Variants in VAT1L observed in about 807,000 individuals in gnomAD.
VAT1L encodes the protein putative NADPH-dependent quinone oxidoreductase VAT1L.
Under a neutral mutation model 44.1 loss-of-function variants are expected in VAT1L, and 34 were observed. That is an observed-to-expected ratio of 0.77 (90% confidence interval 0.59 to 1.03). The LOEUF (loss-of-function observed/expected upper bound fraction) is 1.03, where lower values mean the gene tolerates loss of function less well. VAT1L is among the 50% of genes least tolerant of loss of function. The pLI, the probability that VAT1L is intolerant of heterozygous loss-of-function variation, is 0.00. For missense variants in VAT1L, 615 were observed against 538.8 expected (o/e 1.14, Z -1.40); for synonymous variants, 253 against 202.2 (o/e 1.25, Z -2.13).
chr16:77,938,041 C>T (rs147622929), intron 7 of VAT1L, among the ~76,000 whole-genome samples: 133 of 152,314 alleles, frequency 8.7e-4, no homozygotes, highest in African/African-American at 2.8e-3. Flanking sequence ...TTTTTATGAG[C>T]ACTGTTTACT....
intron 7 of VAT1L, among the ~76,000 whole-genome samples, chr16:77,925,005 G>C (rs2017650702): frequency 6.6e-6 from 1 of 152,114 alleles, no homozygotes; most frequent in Non-Finnish European, 1.5e-5. Flanking sequence ...ATGCATTAAA[G>C]GTAAGAATAC....
At chr16:77,933,934 G>T (rs76630044) in intron 7 of VAT1L, among the ~76,000 whole-genome samples, 8,499 of 152,270 alleles carry the variant, frequency 0.056, 307 homozygotes, top group East Asian at 0.088. Flanking sequence ...AGCCATGATG[G>T]GAAGAAACCC....
At chr16:77,930,257 TTCCTGGTCA>T (rs1392420825) in intron 7 of VAT1L, among the ~76,000 whole-genome samples, 1 of 152,186 alleles carries the variant, frequency 6.6e-6, no homozygotes, top group African/African-American at 2.4e-5. Flanking sequence ...TTGTCTGTCT[TTCCTGGTCA>T]TGCATGGCCT....
intron 7 of VAT1L, among the ~76,000 whole-genome samples, chr16:77,950,629 T>G (rs1335268287): frequency 6.6e-6 from 1 of 152,212 alleles, no homozygotes; most frequent in Non-Finnish European, 1.5e-5. Flanking sequence ...TGGGAAGCAG[T>G]GATCTTCAGG....
At chr16:77,966,788 C>CT (rs1345963420) in intron 7 of VAT1L, among the ~76,000 whole-genome samples, 1 of 152,146 alleles carries the variant, frequency 6.6e-6, no homozygotes, top group Non-Finnish European at 1.5e-5. Context: ...GAATTTTACA[C>CT]TGACAGCACG....
chr16:77,923,073 A>G (rs1232149512), intron 7 of VAT1L, among the ~76,000 whole-genome samples: 2 of 152,134 alleles, frequency 1.3e-5, no homozygotes, highest in African/African-American at 4.8e-5. Flanking sequence ...CCAGCTCTCA[A>G]TTCCTCCTTC....
rs140263029 is a variant in VAT1L, at chr16:77,835,782, A to T, written c.579+10321A>T. Reference sequence around the variant, plus strand: ...CAGCTACTCAGGAGGCTGAGGCAAGAGAATCACTTGAACCCCGGAGGCGGA... The same window carrying T: ...CAGCTACTCAGGAGGCTGAGGCAAGTGAATCACTTGAACCCCGGAGGCGGA... On this transcript the variant is annotated intron_variant, in intron 3 of 8. Coordinates refer to ENST00000302536, the MANE Select transcript of VAT1L (RefSeq NM_020927.3). 1.3e-3 allele frequency among the ~76,000 whole-genome samples: 201 copies of T among 152,232 alleles called. 5 individuals are homozygous for T. In the East Asian group the frequency reaches 0.034, roughly 25 times the overall value.
intron 3 of VAT1L, among the ~76,000 whole-genome samples, chr16:77,829,074 A>G (rs2016552672): frequency 6.6e-6 from 1 of 152,200 alleles, no homozygotes; most frequent in South Asian, 2.1e-4. Flanking sequence ...CGAATTGCAG[A>G]ACTACGATTC....
At chr16:77,894,707 C>T (rs2017303168) in intron 7 of VAT1L, among the ~76,000 whole-genome samples, 1 of 152,062 alleles carries the variant, frequency 6.6e-6, no homozygotes, top group Non-Finnish European at 1.5e-5. Flanking sequence ...AATTGTATAG[C>T]ATATGAATTA....
At position 77,825,698 on chromosome 16, in the gene VAT1L, G is replaced by A. The variant is rs570111192; in HGVS notation, c.579+237G>A. Reference sequence around the variant, plus strand: ...CCAAAATGGCCTGTGAGGACACAATGGCTTTCAGAGATAGTTCCTGTTGAG... The same window carrying A: ...CCAAAATGGCCTGTGAGGACACAATAGCTTTCAGAGATAGTTCCTGTTGAG... On this transcript the variant is annotated intron_variant, in intron 3 of 8. Coordinates refer to ENST00000302536, the MANE Select transcript of VAT1L (RefSeq NM_020927.3). Among the ~76,000 whole-genome samples, 209 of 152,116 alleles carry A rather than the reference G, an allele frequency of 1.4e-3. 1 individual carries two copies. Among genetic ancestry groups the A allele is most frequent in the Non-Finnish European group, 2.7e-3 (183 of 67,996 alleles).
intron 2 of VAT1L, among the ~76,000 whole-genome samples, chr16:77,820,220 C>T (rs2016428249): frequency 6.6e-6 from 1 of 152,116 alleles, no homozygotes; most frequent in Admixed American, 6.5e-5. Context: ...TCAGATTGAA[C>T]TTTTACCTAA....
intron 7 of VAT1L, among the ~76,000 whole-genome samples, chr16:77,932,354 C>T (rs1232815471): frequency 6.6e-6 from 1 of 152,060 alleles, no homozygotes; most frequent in East Asian, 1.9e-4. Context: ...ATCCTCCCGC[C>T]TTGGCCTCCA....
At chr16:77,863,232 C>G (rs569236302) in intron 4 of VAT1L, among the ~76,000 whole-genome samples, 2 of 152,312 alleles carry the variant, frequency 1.3e-5, no homozygotes, top group East Asian at 3.9e-4. Context: ...TAAGAGCATT[C>G]AGAGACCCAG....
intron 7 of VAT1L, among the ~76,000 whole-genome samples, chr16:77,899,381 G>T (rs1022900043): frequency 1.6e-4 from 25 of 152,200 alleles, no homozygotes; most frequent in Non-Finnish European, 2.8e-4. Context: ...AGATTGGCTT[G>T]AACACCCTGG....
chr16:77,857,233 G>A (rs2016868104), intron 3 of VAT1L, among the ~76,000 whole-genome samples: 1 of 152,210 alleles, frequency 6.6e-6, no homozygotes, highest in Admixed American at 6.5e-5. Context: ...GGTTCTGGAG[G>A]TAAACTGCAA....
At chr16:77,915,765 G>T (rs1481132548) in intron 7 of VAT1L, among the ~76,000 whole-genome samples, 1 of 152,130 alleles carries the variant, frequency 6.6e-6, no homozygotes, top group African/African-American at 2.4e-5. Context: ...CCAGATAGAG[G>T]GTCTCACAAA....
At chr16:77,871,547 T>C (rs1053872868) in intron 4 of VAT1L, among the ~76,000 whole-genome samples, 3 of 152,136 alleles carry the variant, frequency 2.0e-5, no homozygotes, top group Non-Finnish European at 2.9e-5. Context: ...TTTGATGCCC[T>C]TGCCTGGTTT....
At chr16:77,881,889 A>G (rs2017158901) in intron 6 of VAT1L, among the ~76,000 whole-genome samples, 1 of 152,254 alleles carries the variant, frequency 6.6e-6, no homozygotes, top group Non-Finnish European at 1.5e-5. Flanking sequence ...ATTACATACA[A>G]TTGTAAGAAG....
At chr16:77,866,078 G>T (rs913981973) in intron 4 of VAT1L, among the ~76,000 whole-genome samples, 8 of 152,156 alleles carry the variant, frequency 5.3e-5, no homozygotes, top group African/African-American at 1.9e-4. Context: ...ATTACACTCA[G>T]AATGCCCAGG....
Sources: allele counts gnomAD v4.1 joint callset (sites outside exome capture counted in the v4.1 genomes callset), GRCh38; gene constraint gnomAD v4.1.1; transcripts MANE v1.5; gene names NCBI Gene and HGNC (gene_info 2026-07-23, HGNC 2026-07-21).